ST7L: variants seen among roughly 807,000 people sequenced by gnomAD.
ST7L encodes suppression of tumorigenicity 7 like, also known as suppressor of tumorigenicity 7 protein-like.
In ST7L, 57 loss-of-function variants were observed where a neutral mutation model predicts 72.5. The ratio of observed to expected loss-of-function variants is 0.79; its 90% confidence interval spans 0.64 to 0.98. ST7L has a LOEUF of 0.98. Ranked by LOEUF, ST7L falls within the 50% of genes least tolerant of loss-of-function variation. The pLI, the probability that ST7L is intolerant of heterozygous loss-of-function variation, is 0.00. For synonymous variants in ST7L, 221 were observed against 240.9 expected (o/e 0.92, Z 0.77); for missense variants, 576 against 672.2 (o/e 0.86, Z 1.58).
chr1:112,578,517 T>TA, intron 9 of ST7L, 100 bp from the exon 10 acceptor site: 2 of 1,059,786 alleles, frequency 1.9e-6, no homozygotes, highest in Non-Finnish European at 2.9e-6. Flanking sequence ...GGCTCATGCC[T>TA]ATAATCCCAG....
At chr1:112,587,847 A>G (rs1047624040) in intron 6 of ST7L, among the ~76,000 whole-genome samples, 1 of 152,178 alleles carries the variant, frequency 6.6e-6, no homozygotes, top group Non-Finnish European at 1.5e-5. Context: ...CCATTTCTGC[A>G]GAAATGATAA....
downstream of ST7L, among the ~76,000 whole-genome samples, chr1:112,519,791 T>C (rs1279412707): frequency 6.6e-6 from 1 of 152,146 alleles, no homozygotes; most frequent in African/African-American, 2.4e-5. Flanking sequence ...AAGTTAATGT[T>C]TCATTTTGAC....
intron 2 of ST7L, 42 bp from the exon 3 acceptor site, chr1:112,611,045 C>A: frequency 6.3e-7 from 1 of 1,588,854 alleles, no homozygotes. Flanking sequence ...AATCGATCAG[C>A]AGATACATGA....
At chr1:112,535,394 TAAGAAGAAG>T (rs369981750) in intron 14 of ST7L, among the ~76,000 whole-genome samples, 2,691 of 149,188 alleles carry the variant, frequency 0.018, 77 homozygotes, top group East Asian at 0.094. Context: ...CTAATAATAA[TAAGAAGAAG>T]AAGAAGAAGA....
intron 11 of ST7L, among the ~76,000 whole-genome samples, chr1:112,568,861 A>AATATAAATATAAATATATATAT (rs61349207): frequency 8.7e-6 from 1 of 114,918 alleles, no homozygotes; most frequent in African/African-American, 3.5e-5. Context: ...TATAAATATA[A>AATATAAATATAAATATATATAT]ATATATATAT....
chr1:112,519,018 G>A (rs372863576), downstream of ST7L, among the ~76,000 whole-genome samples: 11 of 152,288 alleles, frequency 7.2e-5, no homozygotes, highest in East Asian at 1.2e-3. Flanking sequence ...AAGACCATAT[G>A]TGACTAGTGG....
intron 5 of ST7L, among the ~76,000 whole-genome samples, chr1:112,593,165 TTTATC>T (rs1410212339): frequency 1.3e-5 from 2 of 152,192 alleles, no homozygotes; most frequent in Non-Finnish European, 2.9e-5. Context: ...CTTTAAATAT[TTTATC>T]TTATTCTTTT....
Position 112,525,895 on chromosome 1 carries a change from G to T in ST7L, c.*118C>A. The stretch of plus-strand genomic sequence containing the variant: ...TAAGAAGCTTTTTCATATGCAAAAT[G>T]CTTTAGCATATATGTAATCCTCACA... On this transcript the variant is annotated 3_prime_UTR_variant, in exon 15 of 15. Coordinates refer to ENST00000358039, the MANE Select transcript of ST7L (RefSeq NM_017744.5). 1 of 1,371,390 alleles carries T rather than the reference G, an allele frequency of 7.3e-7. No homozygotes were observed. Among genetic ancestry groups the T allele is most frequent in the African/African-American group, 1.4e-5 (1 of 69,324 alleles). 85.0% of individuals were successfully genotyped at this position (1,371,390 alleles called of 1,614,324 possible). A position where few individuals can be genotyped will look rare whatever the true frequency, so the allele number is the denominator to read the frequency against.
rs1653012320 is a variant in ST7L at position 112,523,774 on chromosome 1, T to A, written c.*2239A>T. The A allele has an allele frequency of 6.6e-6, 1 of 152,124 alleles. No homozygotes were observed. Among genetic ancestry groups the A allele is most frequent in the African/African-American group, 2.4e-5 (1 of 41,430 alleles). 9.4% of individuals were successfully genotyped at this position (152,124 alleles called of 1,614,324 possible). On this transcript the variant is annotated 3_prime_UTR_variant, in exon 15 of 15. Transcript: ENST00000358039. ...ATTTAGATACAAACTTAAAACATACTATATATTTTAAGGATCTAAGAATCC... is the reference window on the plus strand; with the variant it reads ...ATTTAGATACAAACTTAAAACATACAATATATTTTAAGGATCTAAGAATCC...
Position 112,578,511 on chromosome 1 carries a change from C to A in ST7L, c.1070-94G>T, listed in dbSNP as rs918994540. Reference sequence around the variant, plus strand: ...TAATTCACGGCCAGGCATGGTGGCTCATGCCTATAATCCCAGCACTTAGGG... The same window carrying A: ...TAATTCACGGCCAGGCATGGTGGCTAATGCCTATAATCCCAGCACTTAGGG... On this transcript the variant is annotated intron_variant, in intron 9 of 14. Coordinates refer to ENST00000358039, the MANE Select transcript of ST7L (RefSeq NM_017744.5). 8.9e-6 allele frequency: 10 copies of A among 1,121,038 alleles called. No homozygotes were observed. The Admixed American group carries it at 1.7e-4, about 19-fold the overall frequency. The allele number at this position is 1,121,038 out of a possible 1,614,324, so 69.4% of individuals were successfully genotyped here.
downstream of ST7L, chr1:112,520,503 A>G (rs910697): frequency 0.47 from 751,979 of 1,612,766 alleles, 177,367 homozygotes; most frequent in East Asian, 0.64. Context: ...GGCTGGACCA[A>G]ACCTGAACAC....
At chr1:112,589,075 G>A (rs1166324594) in intron 6 of ST7L, among the ~76,000 whole-genome samples, 2 of 151,864 alleles carry the variant, frequency 1.3e-5, no homozygotes, top group African/African-American at 4.8e-5. Flanking sequence ...TTCAATTCTG[G>A]AATTTCTATT....
At chr1:112,601,468 A>G (rs112609853) in intron 3 of ST7L, among the ~76,000 whole-genome samples, 2,803 of 152,128 alleles carry the variant, frequency 0.018, 74 homozygotes, top group East Asian at 0.093. Context: ...GATGGTCTCA[A>G]TCTCCTGACC....
Position 112,616,821 on chromosome 1 carries a change from G to C in ST7L, c.280C>G (p.Leu94Val), listed in dbSNP as rs765121684. 1.9e-5 allele frequency: 30 copies of C among 1,596,428 alleles called. No homozygotes were observed. Among genetic ancestry groups the C allele is most frequent in the Non-Finnish European group, 2.6e-5 (30 of 1,170,494 alleles). ...LTGTSSLISG[L>V]IFIFEWWYFH... Reference sequence around the variant, plus strand: ...AAATGGAAACTACTTACAAATATTAGTCCTGATATCAATGAAGAGGTCCCT... The same window carrying C: ...AAATGGAAACTACTTACAAATATTACTCCTGATATCAATGAAGAGGTCCCT... The change falls in exon 2 of 15, where the codon CTA becomes GTA. Residue 94 changes from leucine (L) to valine (V), a missense_variant. By Grantham distance (32) the Leu-to-Val change is conservative. Coordinates refer to ENST00000358039, the MANE Select transcript of ST7L (RefSeq NM_017744.5).
At chr1:112,523,452 C>A (rs957569741), downstream of ST7L, 7 of 152,226 alleles carry the variant, frequency 4.6e-5, no homozygotes, top group Admixed American at 2.6e-4. Flanking sequence ...TCTTAGCTTG[C>A]TTCTGCATTG....
downstream of ST7L, chr1:112,522,589 A>T (rs1162912149): frequency 6.6e-6 from 1 of 152,226 alleles, no homozygotes; most frequent in Non-Finnish European, 1.5e-5. Context: ...AGGCAGCAGG[A>T]GGTTGGGGGA....
At chr1:112,616,529 G>C (rs575892740) in intron 2 of ST7L, among the ~76,000 whole-genome samples, 1 of 152,072 alleles carries the variant, frequency 6.6e-6, no homozygotes, top group Non-Finnish European at 1.5e-5. Context: ...GATCACCTGA[G>C]GTCAGGAGTT....
rs979791710 is a variant in ST7L, at chr1:112,524,610, G to A, written c.*1403C>T. On this transcript the variant is annotated 3_prime_UTR_variant, in exon 15 of 15. Transcript: ENST00000358039. ...CACCTGGTTATTGATGGCCTTGGTG[G>A]AGGCCTCTGCCCCGACCCTCCACTT... is the stretch of plus-strand genomic sequence containing the variant. 2 of 152,614 alleles carry A rather than the reference G, an allele frequency of 1.3e-5. No individual in the cohort carries two copies. Among genetic ancestry groups the A allele is most frequent in the South Asian group, 4.2e-4 (2 of 4,818 alleles). The allele number at this position is 152,614 out of a possible 1,614,324, so 9.5% of individuals were successfully genotyped here. A position where few individuals can be genotyped will look rare whatever the true frequency, so the allele number is the denominator to read the frequency against.
At chr1:112,607,454 C>G (rs189325058) in intron 3 of ST7L, 1 of 152,098 alleles carries the variant, frequency 6.6e-6, no homozygotes, top group African/African-American at 2.4e-5. Flanking sequence ...ACAAAAATTA[C>G]TCTGGCATGG....
Sources: gnomAD v4.1 joint callset for allele counts (sites outside exome capture counted in the v4.1 genomes callset) on GRCh38, gnomAD v4.1.1 for gene constraint, MANE v1.5 for transcripts, NCBI Gene and HGNC (gene_info 2026-07-23, HGNC 2026-07-21) for gene names.